Variants in MAP1LC3A observed in about 807,000 individuals in gnomAD.
The protein encoded by MAP1LC3A is microtubule associated protein 1 light chain 3 alpha.
Under a neutral mutation model 15.2 loss-of-function variants are expected in MAP1LC3A, and 10 were observed. The ratio of observed to expected loss-of-function variants is 0.66; its 90% CI spans 0.41 to 1.12. The LOEUF (loss-of-function observed/expected upper bound fraction) is 1.12, where lower values mean the gene tolerates loss of function less well. Ranked by LOEUF, MAP1LC3A falls within the 50% of genes most tolerant of loss-of-function variation. The pLI is 0.00. For missense variants in MAP1LC3A, 138 were observed against 167.3 expected, an observed-to-expected ratio of 0.82 and a Z score of 0.97; for synonymous variants, 63 against 64.3, an observed-to-expected ratio of 0.98 and a Z score of 0.10.
chr20:34,559,677 G>A, intron 3 of MAP1LC3A, 59 bp from the exon 4 acceptor site: 2 of 1,534,020 alleles, frequency 1.3e-6, no homozygotes, highest in Non-Finnish European at 1.8e-6. Context: ...TGGGGGTCAG[G>A]GCTATGTCCG....
chr20:34,552,037 C>T (rs1981967775), intron 2 of MAP1LC3A, among the ~76,000 whole-genome samples: 2 of 152,200 alleles, frequency 1.3e-5, no homozygotes, highest in South Asian at 4.1e-4. Flanking sequence ...AAATCTCTGT[C>T]ACCCAGGCTA....
chr20:34,559,287 G>A, intron 2 of MAP1LC3A, 24 bp downstream of exon 2: 1 of 1,564,188 alleles, frequency 6.4e-7, no homozygotes, highest in Non-Finnish European at 8.7e-7. Context: ...CCCCAGCCCT[G>A]CCCCGCCCCC....
chr20:34,547,342 G>A (rs991366505), intron 1 of MAP1LC3A, among the ~76,000 whole-genome samples: 2 of 151,742 alleles, frequency 1.3e-5, no homozygotes, highest in East Asian at 1.9e-4. Flanking sequence ...GTGAGGAAGG[G>A]AAGTGACTGG....
chr20:34,555,206 C>G (rs1353256426), upstream of MAP1LC3A, among the ~76,000 whole-genome samples: 1 of 150,310 alleles, frequency 6.7e-6, no homozygotes, highest in Admixed American at 6.7e-5. Flanking sequence ...AGTGCAGTGG[C>G]ATGATCTTGG....
chr20:34,558,350 G>A (rs1982236846), upstream of MAP1LC3A: 3 of 987,036 alleles, frequency 3.0e-6, no homozygotes, highest in South Asian at 4.7e-5. The surrounding 1 kb of genome is among the most constrained non-coding windows in gnomAD (Gnocchi z 4.3). Flanking sequence ...GCCCCGTGAA[G>A]GCGCCGGGCC....
chr20:34,554,203 GT>G (rs1306844212), upstream of MAP1LC3A, among the ~76,000 whole-genome samples: 3 of 151,964 alleles, frequency 2.0e-5, no homozygotes, highest in Non-Finnish European at 4.4e-5. Context: ...TGAGTGACAG[GT>G]TTGCTCTTTT....
Position 34,558,960 on chromosome 20 carries a change from C to T in MAP1LC3A, c.40+52C>T. Reference sequence around the variant, plus strand: ...CTCTGGGGCAGGGGTGCCGGCCGACCCCGACTGCCGCAGGTGACGTCAGCC... The same window carrying T: ...CTCTGGGGCAGGGGTGCCGGCCGACTCCGACTGCCGCAGGTGACGTCAGCC... On this transcript the variant is annotated intron_variant, in intron 1 of 3. Transcript: ENST00000360668. The surrounding 1 kb of genome is among the most constrained non-coding windows in gnomAD (Gnocchi z 4.3). 1 of 1,347,668 alleles carries T rather than the reference C, an allele frequency of 7.4e-7. No homozygotes were observed. The highest frequency in any genetic ancestry group is 9.5e-7 in the Non-Finnish European group (1 of 1,054,918). The allele number at this position is 1,347,668 out of a possible 1,614,324, so 83.5% of individuals were successfully genotyped here.
At chr20:34,555,771 CCCCCCAAAG>C (rs1982131505), upstream of MAP1LC3A, among the ~76,000 whole-genome samples, 3 of 151,862 alleles carry the variant, frequency 2.0e-5, no homozygotes, top group African/African-American at 7.3e-5. Context: ...CCAGTCTGGG[CCCCCCAAAG>C]TGCTGGGATT....
chr20:34,551,375 G>C lies in MAP1LC3A; in HGVS notation c.52+1346G>C, dbSNP rs531851958. On this transcript the variant is annotated intron_variant, in intron 2 of 4. Coordinates refer to the MAP1LC3A transcript ENST00000374837. ...CTAGAAGAATTTCTAGACCAGGCCA[G>C]AATATGGTGAGAAATGAGAATAATG... 2.0e-5 allele frequency among the ~76,000 whole-genome samples: 3 copies of C among 151,614 alleles called. No individual in the cohort carries two copies. In the East Asian group the frequency reaches 5.8e-4, roughly 29 times the overall value.
upstream of MAP1LC3A, among the ~76,000 whole-genome samples, chr20:34,557,914 C>T (rs375026621): frequency 7.9e-5 from 12 of 151,962 alleles, no homozygotes; most frequent in East Asian, 5.8e-4. Flanking sequence ...GGCGACAGAA[C>T]GAGACTTCGT....
At chr20:34,559,585 G>T in intron 3 of MAP1LC3A, 132 bp downstream of exon 3, 1 of 1,227,144 alleles carries the variant, frequency 8.1e-7, no homozygotes, top group South Asian at 1.3e-5. Context: ...TGGCTGGAAA[G>T]GTCAAGGTCG....
upstream of MAP1LC3A, among the ~76,000 whole-genome samples, chr20:34,556,976 G>A (rs1437401968): frequency 1.3e-5 from 2 of 152,138 alleles, no homozygotes; most frequent in Non-Finnish European, 2.9e-5. Flanking sequence ...GTTCCTCCTC[G>A]CATCATTTCA....
In MAP1LC3A at chr20:34,558,742, A is replaced by C. The variant is rs1261039553; in HGVS notation, c.-127A>C. 2 of 1,310,420 alleles carry C rather than the reference A, an allele frequency of 1.5e-6. No homozygotes were observed. The highest frequency in any genetic ancestry group is 9.7e-7 in the Non-Finnish European group (1 of 1,034,412). 81.2% of individuals were successfully genotyped at this position (1,310,420 alleles called of 1,614,324 possible). On this transcript the variant is annotated 5_prime_UTR_variant, in exon 1 of 4. Coordinates refer to ENST00000360668, the MANE Select transcript of MAP1LC3A (RefSeq NM_032514.4). The surrounding 1 kb of genome is among the most constrained non-coding windows in gnomAD (Gnocchi z 4.3). ...CGGGCGAGTTACCTCCCGCAGCCGC[A>C]GCCGCCGTGCTCAGCGCGAGCCCCG...
rs1416416111 is a variant in MAP1LC3A, at chr20:34,553,470, G to A, written c.52+3441G>A. ...ACTTGGGGCCCTCCTCCTCCACGTT[G>A]GCCTCAGTTCAGGGCTGAGTCTGAC... On this transcript the variant is annotated intron_variant, in intron 2 of 4. Transcript: ENST00000374837. Among the ~76,000 whole-genome samples the A allele has an allele frequency of 9.2e-5, 14 of 152,196 alleles. No individual in the cohort carries two copies. The South Asian group carries it at 2.3e-3, about 25-fold the overall frequency.
chr20:34,549,856 C>CCCTCCTG (rs530268186), intron 1 of MAP1LC3A: 39 of 770,122 alleles, frequency 5.1e-5, no homozygotes, highest in East Asian at 2.1e-4. Context: ...CAGAGTCAGT[C>CCCTCCTG]CCTCCTGCCT....
At chr20:34,552,016 A>T (rs1432051041) in intron 2 of MAP1LC3A, among the ~76,000 whole-genome samples, 3 of 152,114 alleles carry the variant, frequency 2.0e-5, no homozygotes, top group Non-Finnish European at 2.9e-5. Flanking sequence ...TGCTTTTGAG[A>T]TGGAATCTCA....
Position 34,558,759 on chromosome 20 carries a change from C to G in MAP1LC3A, c.-110C>G, listed in dbSNP as rs1223337851. ...GCAGCCGCAGCCGCCGTGCTCAGCG[C>G]GAGCCCCGGAGCCCTTGAGCGCGAG... On this transcript the variant is annotated 5_prime_UTR_variant, in exon 1 of 4. Transcript: ENST00000360668. The surrounding 1 kb of genome is among the most constrained non-coding windows in gnomAD (Gnocchi z 4.3). 1 of 1,328,120 alleles carries G rather than the reference C, an allele frequency of 7.5e-7. No homozygotes were observed. The highest frequency in any genetic ancestry group is 3.1e-5 in the East Asian group (1 of 31,878). The allele number at this position is 1,328,120 out of a possible 1,614,324, so 82.3% of individuals were successfully genotyped here.
upstream of MAP1LC3A, chr20:34,558,181 C>G: frequency 1.0e-6 from 1 of 977,122 alleles, no homozygotes; most frequent in Non-Finnish European, 1.2e-6. The surrounding 1 kb of genome is among the most constrained non-coding windows in gnomAD (Gnocchi z 4.3). Flanking sequence ...TTCTGTTGTC[C>G]TTTTCTGCCT....
rs1600575216 is a variant in MAP1LC3A at position 34,559,880 on chromosome 20, G to A, written c.348G>A (p.Gln116=). The A allele has an allele frequency of 1.2e-6, 2 of 1,611,482 alleles. No homozygotes were observed. Among genetic ancestry groups the A allele is most frequent in the African/African-American group, 1.3e-5 (1 of 74,920 alleles). ...DGFLYMVYAS[Q]ETFGF is the part of the protein sequence containing the mutation. ...TCCTCTATATGGTCTACGCCTCCCA[G>A]GAAACCTTCGGCTTCTGAGCCAGCA... The change falls in exon 4 of 4, where the codon CAG becomes CAA. Residue 116 remains glutamine (Q), a synonymous_variant. Coordinates refer to ENST00000360668, the MANE Select transcript of MAP1LC3A (RefSeq NM_032514.4).
Sources: gnomAD v4.1 joint callset for allele counts (sites outside exome capture counted in the v4.1 genomes callset) on GRCh38, gnomAD v4.1.1 for gene constraint, Gnocchi (gnomAD v3.1) non-coding constraint, MANE v1.5 for transcripts, NCBI Gene and HGNC (gene_info 2026-07-23, HGNC 2026-07-21) for gene names.